The following CCDC91 variants were observed in gnomAD, a reference collection of about 807,000 sequenced individuals.
CCDC91 encodes the protein coiled-coil domain-containing protein 91.
CCDC91 carries 48 observed loss-of-function variants against 63.2 expected under a neutral mutation model. That is an observed-to-expected ratio of 0.76 (90% confidence interval 0.60 to 0.97). The LOEUF is 0.97. Ranked by LOEUF, CCDC91 falls within the 50% of genes least tolerant of loss-of-function variation. The pLI, the probability that CCDC91 is intolerant of heterozygous loss-of-function variation, is 0.00. For missense variants in CCDC91, 500 were observed against 494.6 expected (o/e 1.01, Z -0.10); for synonymous variants, 167 against 165.8 (o/e 1.01, Z -0.06).
chr12:28,437,678 T>G (rs1225850289), intron 8 of CCDC91, among the ~76,000 whole-genome samples: 1 of 152,124 alleles, frequency 6.6e-6, no homozygotes, highest in Non-Finnish European at 1.5e-5. Context: ...TTTAATGTTT[T>G]CATTTTATCA....
chr12:28,440,014 A>G (rs1020153788), intron 8 of CCDC91, among the ~76,000 whole-genome samples: 2 of 151,944 alleles, frequency 1.3e-5, no homozygotes, highest in African/African-American at 2.4e-5. Context: ...TTGAAAAGCA[A>G]TTAATAGAAT....
At chr12:28,371,554 C>G (rs182837980) in intron 7 of CCDC91, among the ~76,000 whole-genome samples, 59 of 152,246 alleles carry the variant, frequency 3.9e-4, no homozygotes, top group Admixed American at 7.2e-4. Flanking sequence ...GTCTCTTGTA[C>G]AAATAGAATT....
At chr12:28,286,894 A>C (rs1251896842) in intron 3 of CCDC91, among the ~76,000 whole-genome samples, 1 of 152,180 alleles carries the variant, frequency 6.6e-6, no homozygotes, top group Non-Finnish European at 1.5e-5. Flanking sequence ...TTGACTTTTT[A>C]ATAATAGCCA....
At chr12:28,463,619 C>G (rs576551369) in intron 11 of CCDC91, among the ~76,000 whole-genome samples, 44 of 152,206 alleles carry the variant, frequency 2.9e-4, no homozygotes, top group Middle Eastern at 3.4e-3. Flanking sequence ...AAGACTGAAC[C>G]TGGTGACTGG....
At chr12:28,369,042 C>T (rs1944446606) in intron 7 of CCDC91, among the ~76,000 whole-genome samples, 1 of 152,058 alleles carries the variant, frequency 6.6e-6, no homozygotes, top group African/African-American at 2.4e-5. Context: ...TCATTCTGTC[C>T]CTGGCCCTTC....
At chr12:28,290,849 A>G (rs2136783649) in intron 3 of CCDC91, among the ~76,000 whole-genome samples, 2 of 152,216 alleles carry the variant, frequency 1.3e-5, no homozygotes, top group South Asian at 4.2e-4. Flanking sequence ...GCTATATTTT[A>G]GCATTGGTAT....
chr12:28,316,036 A>G (rs17510814), intron 6 of CCDC91, among the ~76,000 whole-genome samples: 1 of 151,972 alleles, frequency 6.6e-6, no homozygotes, highest in African/African-American at 2.4e-5. Flanking sequence ...ATTGCTGTCA[A>G]AGTCTAATAG....
At chr12:28,269,958 C>T (rs1947631236) in intron 3 of CCDC91, among the ~76,000 whole-genome samples, 1 of 151,908 alleles carries the variant, frequency 6.6e-6, no homozygotes, top group African/African-American at 2.4e-5. Flanking sequence ...ATTATATTGG[C>T]TTGCAGCTAG....
chr12:28,467,309 GAGT>G (rs1950595548), intron 11 of CCDC91, among the ~76,000 whole-genome samples: 1 of 152,042 alleles, frequency 6.6e-6, no homozygotes, highest in Non-Finnish European at 1.5e-5. Flanking sequence ...AAATGAGCAG[GAGT>G]AGCTATGCTT....
chr12:28,268,820 T>C (rs1947540659), intron 3 of CCDC91: 1 of 202,606 alleles, frequency 4.9e-6, no homozygotes, highest in Non-Finnish European at 8.7e-6. Flanking sequence ...GAATCTGACC[T>C]CAAGTGTCTG....
At chr12:28,546,518 G>A (rs1251339220) in intron 12 of CCDC91, among the ~76,000 whole-genome samples, 1 of 152,006 alleles carries the variant, frequency 6.6e-6, no homozygotes, top group Non-Finnish European at 1.5e-5. Context: ...ATTTATAATT[G>A]GAGGTAGCAT....
chr12:28,357,064 GA>G (rs572534967), intron 6 of CCDC91, among the ~76,000 whole-genome samples: 6 of 152,174 alleles, frequency 3.9e-5, no homozygotes, highest in Non-Finnish European at 8.8e-5. Flanking sequence ...AACAAAAATA[GA>G]ATATGAGCTT....
chr12:28,500,045 C>T (rs1358753236), intron 12 of CCDC91, among the ~76,000 whole-genome samples: 20 of 151,874 alleles, frequency 1.3e-4, no homozygotes, highest in African/African-American at 3.9e-4. Flanking sequence ...TTCTAACTGG[C>T]ATGAGATGGT....
At chr12:28,407,960 A>T (rs201142737) in intron 8 of CCDC91, among the ~76,000 whole-genome samples, 28,584 of 111,156 alleles carry the variant, frequency 0.26, 3,620 homozygotes, top group East Asian at 0.65. Context: ...ACATATATAT[A>T]TATATTTTTT....
chr12:28,275,355 A>C (rs1226355251), intron 3 of CCDC91, among the ~76,000 whole-genome samples: 1 of 152,320 alleles, frequency 6.6e-6, no homozygotes, highest in East Asian at 1.9e-4. Context: ...CTATGCAAAT[A>C]AACTAGAAAA....
chr12:28,302,703 A>T, intron 3 of CCDC91: 1 of 905,486 alleles, frequency 1.1e-6, no homozygotes, highest in East Asian at 1.2e-4. Flanking sequence ...TGGTTTTTTG[A>T]TGTATTATTA....
chr12:28,454,169 G>A (rs1458763114), intron 11 of CCDC91, among the ~76,000 whole-genome samples: 1 of 152,036 alleles, frequency 6.6e-6, no homozygotes, highest in East Asian at 1.9e-4. Context: ...TCATTTGGGT[G>A]GATTTCAGGA....
At chr12:28,500,072 G>C (rs1952547565) in intron 12 of CCDC91, among the ~76,000 whole-genome samples, 1 of 152,058 alleles carries the variant, frequency 6.6e-6, no homozygotes, top group Admixed American at 6.6e-5. Context: ...TTGTGGTTTT[G>C]ATTTCCATTT....
chr12:28,467,278 T>C (rs11614463), intron 11 of CCDC91, among the ~76,000 whole-genome samples: 31,704 of 151,952 alleles, frequency 0.21, 4,332 homozygotes, highest in Non-Finnish European at 0.31. Context: ...GAAAAAGATA[T>C]TCCATGCCAG....
Sources: gnomAD v4.1 joint callset for allele counts (sites outside exome capture counted in the v4.1 genomes callset) on GRCh38, gnomAD v4.1.1 for gene constraint, MANE v1.5 for transcripts, NCBI Gene and HGNC (gene_info 2026-07-23, HGNC 2026-07-21) for gene names.